The following NF1 variants were observed in gnomAD, a reference collection of about 807,000 sequenced individuals.
NF1 encodes neurofibromin.
A neutral mutation model predicts 325.7 loss-of-function variants in NF1; 122 were observed. That is an observed-to-expected ratio of 0.37 (90% CI 0.32 to 0.44). NF1 has a LOEUF of 0.44. Ranked by LOEUF, NF1 falls within the 20% of genes least tolerant of loss-of-function variation. The pLI, the probability that NF1 is intolerant of heterozygous loss-of-function variation, is 1.00. For synonymous variants in NF1, 1,091 were observed against 1,186.0 expected, an observed-to-expected ratio of 0.92 and a Z score of 1.65; for missense variants, 2,140 against 3,415.4, an observed-to-expected ratio of 0.63 and a Z score of 9.31.
chr17:31,199,328 T>C (rs17883281), intron 8 of NF1, among the ~76,000 whole-genome samples: 1 of 152,232 alleles, frequency 6.6e-6, no homozygotes, highest in Non-Finnish European at 1.5e-5. Flanking sequence ...TGTGATTTTT[T>C]CCTTTGATCT....
rs1289559298 is a variant in NF1 at position 31,200,610 on chromosome 17, C to T, written c.1062+15C>T. Reference sequence around the variant, plus strand: ...TTGATCTTAAGGTAACATGCTTATTCTTTCTCTACTACAAACTTTAAGAAA... The same window carrying T: ...TTGATCTTAAGGTAACATGCTTATTTTTTCTCTACTACAAACTTTAAGAAA... On this transcript the variant is annotated intron_variant, in intron 9 of 57. Coordinates refer to ENST00000358273, the MANE Select transcript of NF1 (RefSeq NM_001042492.3). The T allele has an allele frequency of 6.2e-7, 1 of 1,612,490 alleles. No homozygotes were observed.
rs1465542934 is a variant in NF1 at position 31,249,286 on chromosome 17, TAAA to T, written c.4110+168_4110+170del. Among the ~76,000 whole-genome samples, 5 of 152,372 alleles carry T rather than the reference TAAA, an allele frequency of 3.3e-5. No individual in the cohort carries two copies. In the East Asian group the frequency reaches 5.8e-4, roughly 18 times the overall value. ...GTTGGAATTGTCTTTGAAAAAAACT[TAAA>T]TATTACTTAGGCAACAGTTTGAAGT... On this transcript the variant is annotated intron_variant, in intron 30 of 57. Coordinates refer to ENST00000358273, the MANE Select transcript of NF1 (RefSeq NM_001042492.3).
Position 31,225,448 on chromosome 17 carries a change from G to A in NF1, c.2001+198G>A, listed in dbSNP as rs17880276. ...CTCAGTTCCTCAACTTTAAAATGGG[G>A]ACAGTAATAGTTCCTGCCCCAGAGT... is the stretch of plus-strand genomic sequence containing the variant. On this transcript the variant is annotated intron_variant, in intron 17 of 57. Transcript: ENST00000358273. Among the ~76,000 whole-genome samples, 2,865 of 152,046 alleles carry A rather than the reference G, an allele frequency of 0.019. 103 individuals are homozygous for A. The highest frequency in any genetic ancestry group is 0.065 in the African/African-American group (2,713 of 41,420).
At chr17:31,306,891 T>G (rs983874792) in intron 36 of NF1, among the ~76,000 whole-genome samples, 5 of 152,088 alleles carry the variant, frequency 3.3e-5, no homozygotes, top group African/African-American at 1.2e-4. Flanking sequence ...GGCTCATTCC[T>G]GTAATCCCAG....
chr17:31,181,542 T>C, intron 6 of NF1, 53 bp downstream of exon 6: 2 of 1,546,480 alleles, frequency 1.3e-6, no homozygotes, highest in Non-Finnish European at 8.9e-7. Flanking sequence ...TAAAATTTGC[T>C]GTTGTTAGCA....
intron 39 of NF1, 103 bp from the exon 40 acceptor site, chr17:31,334,735 T>A: frequency 1.1e-6 from 1 of 892,216 alleles, no homozygotes; most frequent in Non-Finnish European, 1.8e-6. Context: ...TTCTAGGTAA[T>A]AGTCTTTACC....
intron 57 of NF1, among the ~76,000 whole-genome samples, chr17:31,363,843 C>G (rs530079341): frequency 2.0e-5 from 3 of 151,880 alleles, no homozygotes; most frequent in African/African-American, 7.2e-5. Flanking sequence ...TTGGTTCAAG[C>G]TATTCCCCTG....
chr17:31,341,971 A>G (rs1051848611), intron 47 of NF1, among the ~76,000 whole-genome samples: 1 of 152,228 alleles, frequency 6.6e-6, no homozygotes, highest in African/African-American at 2.4e-5. Flanking sequence ...CTGTGGGTAC[A>G]AAGAACAGGA....
chr17:31,262,211 A>G (rs1597749421), intron 35 of NF1, among the ~76,000 whole-genome samples: 1 of 152,186 alleles, frequency 6.6e-6, no homozygotes, highest in African/African-American at 2.4e-5. Context: ...CACCTGATTC[A>G]TAGGTCTTTT....
At chr17:31,303,511 C>T (rs1042107216) in intron 36 of NF1, among the ~76,000 whole-genome samples, 4 of 151,994 alleles carry the variant, frequency 2.6e-5, no homozygotes, top group Admixed American at 1.3e-4. Context: ...CAAAGTCACC[C>T]GTATTTAGAA....
At chr17:31,318,201 T>C in intron 36 of NF1, 2 of 1,431,672 alleles carry the variant, frequency 1.4e-6, no homozygotes, top group Non-Finnish European at 1.9e-6. Flanking sequence ...AGGTCTACCA[T>C]GTCAAATTTT....
At chr17:31,180,180 A>G (rs2066100989) in intron 5 of NF1, among the ~76,000 whole-genome samples, 1 of 152,254 alleles carries the variant, frequency 6.6e-6, no homozygotes, top group African/African-American at 2.4e-5. Flanking sequence ...AGGAGCTGGT[A>G]CCATTCCTTC....
rs567875558 is a variant in NF1 at position 31,250,023 on chromosome 17, A to C, written c.4110+904A>C. Reference sequence around the variant, plus strand: ...CTTAGAGACGTTAACAGCATCATTGAAATCACCATTTTAAAAGCTGTTTGA... The same window carrying C: ...CTTAGAGACGTTAACAGCATCATTGCAATCACCATTTTAAAAGCTGTTTGA... On this transcript the variant is annotated intron_variant, in intron 30 of 57. Coordinates refer to ENST00000358273, the MANE Select transcript of NF1 (RefSeq NM_001042492.3). 7 of 498,848 alleles carry C rather than the reference A, an allele frequency of 1.4e-5. No individual in the cohort carries two copies. In the East Asian group the frequency reaches 3.2e-4, roughly 23 times the overall value. The allele number at this position is 498,848 out of a possible 1,614,324, so 30.9% of individuals were successfully genotyped here. A position where few individuals can be genotyped will look rare whatever the true frequency, so the allele number is the denominator to read the frequency against.
At chr17:31,331,448 C>T (rs2069484100) in intron 39 of NF1, 1 of 152,014 alleles carries the variant, frequency 6.6e-6, no homozygotes, top group African/African-American at 2.4e-5. Context: ...CTAAATTCTA[C>T]ATAAAAGTGC....
At chr17:31,240,686 A>G (rs1052777304) in intron 29 of NF1, among the ~76,000 whole-genome samples, 1 of 152,148 alleles carries the variant, frequency 6.6e-6, no homozygotes, top group Admixed American at 6.5e-5. Context: ...ACTAATTTAC[A>G]TTCCTGCCAA....
intron 12 of NF1, among the ~76,000 whole-genome samples, chr17:31,210,469 T>C (rs985434805): frequency 6.6e-6 from 1 of 151,956 alleles, no homozygotes; most frequent in Non-Finnish European, 1.5e-5. Flanking sequence ...CTTGTAGTTA[T>C]AGCTACTCAG....
chr17:31,330,507 T>C lies in NF1; in HGVS notation c.5812+9T>C, dbSNP rs1324552702. 2 of 1,585,112 alleles carry C rather than the reference T, an allele frequency of 1.3e-6. No homozygotes were observed. The highest frequency in any genetic ancestry group is 1.7e-6 in the Non-Finnish European group (2 of 1,154,364). On this transcript the variant is annotated intron_variant, in intron 39 of 57. Coordinates refer to ENST00000358273, the MANE Select transcript of NF1 (RefSeq NM_001042492.3). ...TGGATTTAGCAAATCTAGTAAGTAA[T>C]GATAATTTTCTTTAATACTAACAAT...
intron 36 of NF1, chr17:31,305,656 A>G: frequency 6.4e-7 from 1 of 1,559,784 alleles, no homozygotes; most frequent in Non-Finnish European, 8.7e-7. Context: ...AATGAAAGAG[A>G]AAGACAGTTA....
intron 29 of NF1, among the ~76,000 whole-genome samples, chr17:31,245,811 T>C (rs535686132): frequency 3.9e-5 from 6 of 152,336 alleles, no homozygotes; most frequent in African/African-American, 1.2e-4. Context: ...TAGGCATGAT[T>C]GATTAAATCA....
Sources: gnomAD v4.1 joint callset for allele counts (sites outside exome capture counted in the v4.1 genomes callset) on GRCh38, gnomAD v4.1.1 for gene constraint, MANE v1.5 for transcripts, NCBI Gene and HGNC (gene_info 2026-07-23, HGNC 2026-07-21) for gene names.